Variants in ANKRD12 observed in about 807,000 individuals in gnomAD.
ANKRD12 encodes ankyrin repeat domain-containing protein 12.
In ANKRD12, 85 loss-of-function variants were observed where a neutral mutation model predicts 183.4. The ratio of observed to expected loss-of-function variants is 0.46; its 90% CI spans 0.39 to 0.56. ANKRD12 has a LOEUF of 0.56. ANKRD12 is among the 20% of genes least tolerant of loss of function. The probability of loss-of-function intolerance (pLI) is 0.00; values close to 1 mark genes in which losing one functional copy is unlikely to be tolerated. For synonymous variants in ANKRD12, 914 were observed against 800.2 expected (o/e 1.14, Z -2.40); for missense variants, 2,405 against 2,357.1 (o/e 1.02, Z -0.42).
rs375800698 is a variant in ANKRD12, at chr18:9,229,848, A to G, written c.943+7849A>G. Among the ~76,000 whole-genome samples, 38 of 152,112 alleles carry G rather than the reference A, an allele frequency of 2.5e-4. No individual in the cohort carries two copies. In the South Asian group the frequency reaches 5.4e-3, roughly 22 times the overall value. On this transcript the variant is annotated intron_variant, in intron 8 of 12. Transcript: ENST00000262126. ...TTGATCATGTTGTATTATCTTTTCG[A>G]TGTGCCATTGGATTCAGTTTGCTAA...
intron 8 of ANKRD12, among the ~76,000 whole-genome samples, chr18:9,242,016 A>G: frequency 6.6e-6 from 1 of 152,042 alleles, no homozygotes; most frequent in East Asian, 1.9e-4. Context: ...CTATAAGTCA[A>G]AATATCTTTG....
At chr18:9,270,580 A>G (rs1287438651) in intron 10 of ANKRD12, among the ~76,000 whole-genome samples, 2 of 152,182 alleles carry the variant, frequency 1.3e-5, no homozygotes. Flanking sequence ...ACACATGGAC[A>G]CAGGAAGGGG....
intron 1 of ANKRD12, among the ~76,000 whole-genome samples, chr18:9,164,398 C>T (rs750607669): frequency 5.3e-5 from 8 of 151,942 alleles, no homozygotes; most frequent in Non-Finnish European, 1.0e-4. Context: ...TGTCTGTCTC[C>T]TTCAGTTCAG....
At chr18:9,237,629 G>A (rs560949542) in intron 8 of ANKRD12, among the ~76,000 whole-genome samples, 8 of 152,118 alleles carry the variant, frequency 5.3e-5, no homozygotes, top group African/African-American at 1.2e-4. Flanking sequence ...GTATTGTTGA[G>A]TTCAAAAAAT....
chr18:9,246,466 A>G (rs1215434567), intron 8 of ANKRD12, among the ~76,000 whole-genome samples: 1 of 152,104 alleles, frequency 6.6e-6, no homozygotes, highest in Admixed American at 6.5e-5. Flanking sequence ...TGAAAAGTTT[A>G]TATCTATATA....
intron 8 of ANKRD12, chr18:9,235,927 T>C (rs564115954): frequency 4.2e-6 from 1 of 239,374 alleles, no homozygotes; most frequent in Non-Finnish European, 8.7e-6. Context: ...AAATGGCATA[T>C]ATAATATCTA....
At chr18:9,157,557 G>GTGTA (rs2030719341) in intron 1 of ANKRD12, among the ~76,000 whole-genome samples, 1 of 91,648 alleles carries the variant, frequency 1.1e-5, no homozygotes, top group African/African-American at 6.7e-5. Flanking sequence ...GTGGGTGTGT[G>GTGTA]TGTGTGTGTG....
At chr18:9,169,369 G>A (rs2032442600) in intron 1 of ANKRD12, among the ~76,000 whole-genome samples, 2 of 152,140 alleles carry the variant, frequency 1.3e-5, no homozygotes, top group African/African-American at 4.8e-5. Flanking sequence ...AGGTCACTAA[G>A]GACTTGCTTT....
In ANKRD12 at chr18:9,281,832, C is replaced by T. The variant is rs1228935943; in HGVS notation, c.*706C>T. The T allele has an allele frequency of 1.3e-5, 2 of 152,554 alleles. No individual in the cohort carries two copies. The highest frequency in any genetic ancestry group is 2.9e-5 in the Non-Finnish European group (2 of 68,010). The allele number at this position is 152,554 out of a possible 1,614,324, so 9.5% of individuals were successfully genotyped here. ...ACAGGTAGAAAACTTTTAAATACAG[C>T]ATGCAGGTGTTTCAGTTAGCTTGTT... On this transcript the variant is annotated 3_prime_UTR_variant, in exon 13 of 13. Transcript: ENST00000262126.
intron 1 of ANKRD12, among the ~76,000 whole-genome samples, chr18:9,161,442 C>G (rs2031404330): frequency 6.6e-6 from 1 of 151,854 alleles, no homozygotes; most frequent in African/African-American, 2.4e-5. Flanking sequence ...GTGGCGCGAT[C>G]TCGGCTCACT....
rs2040099747 is a variant in ANKRD12 at position 9,281,351 on chromosome 18, A to G, written c.*225A>G. Reference sequence around the variant, plus strand: ...AGAAAACTATTATTTATATTGGGAAAGGTAACTATTGCATTAGAGCATGTT... The same window carrying G: ...AGAAAACTATTATTTATATTGGGAAGGGTAACTATTGCATTAGAGCATGTT... On this transcript the variant is annotated 3_prime_UTR_variant, in exon 13 of 13. Coordinates refer to ENST00000262126, the MANE Select transcript of ANKRD12 (RefSeq NM_015208.5). 5.2e-6 allele frequency: 2 copies of G among 383,170 alleles called. No individual in the cohort carries two copies. The highest frequency in any genetic ancestry group is 4.6e-6 in the Non-Finnish European group (1 of 218,308). The allele number at this position is 383,170 out of a possible 1,614,324, so 23.7% of individuals were successfully genotyped here. A position where few individuals can be genotyped will look rare whatever the true frequency, so the allele number is the denominator to read the frequency against.
chr18:9,277,785 A>AT (rs1242841320), intron 11 of ANKRD12, among the ~76,000 whole-genome samples: 1 of 138,148 alleles, frequency 7.2e-6, no homozygotes, highest in Admixed American at 7.0e-5. Context: ...TGGTAATCAA[A>AT]TACAGCAGAG....
chr18:9,264,229 A>T (rs912902204), intron 10 of ANKRD12, among the ~76,000 whole-genome samples: 1 of 152,196 alleles, frequency 6.6e-6, no homozygotes, highest in African/African-American at 2.4e-5. Context: ...TTTAAGGCAA[A>T]AGGGCAAAAT....
chr18:9,213,811 T>C (rs1048379337), intron 6 of ANKRD12, among the ~76,000 whole-genome samples: 28 of 152,054 alleles, frequency 1.8e-4, no homozygotes, highest in Middle Eastern at 3.4e-3. Context: ...AAAATAAGTA[T>C]TAAGTCCAGA....
chr18:9,187,162 C>T (rs1192213695), intron 2 of ANKRD12, among the ~76,000 whole-genome samples: 3 of 151,908 alleles, frequency 2.0e-5, no homozygotes, highest in Admixed American at 2.0e-4. Flanking sequence ...CATGGTGGCT[C>T]ATGCCTATAA....
chr18:9,233,721 T>A (rs371990401), intron 8 of ANKRD12, among the ~76,000 whole-genome samples: 6 of 152,236 alleles, frequency 3.9e-5, no homozygotes, highest in African/African-American at 7.2e-5. Flanking sequence ...CTTGGTTGTT[T>A]AGGGTGCAGT....
In ANKRD12 at chr18:9,186,115, A is replaced by G. The variant is rs532312352; in HGVS notation, c.87+3596A>G. Among the ~76,000 whole-genome samples, 63 of 150,936 alleles carry G rather than the reference A, an allele frequency of 4.2e-4. 1 individual carries two copies. In the South Asian group the frequency reaches 0.011, roughly 27 times the overall value. On this transcript the variant is annotated intron_variant, in intron 2 of 12. Coordinates refer to ENST00000262126, the MANE Select transcript of ANKRD12 (RefSeq NM_015208.5). ...TTGTCACGAAATAAGTAGTGCCTGA[A>G]TATTGCCCTCCTAAAAGTGTGATTT... is the stretch of plus-strand genomic sequence containing the variant.
chr18:9,148,385 A>T (rs1312999621), intron 1 of ANKRD12, among the ~76,000 whole-genome samples: 1 of 152,164 alleles, frequency 6.6e-6, no homozygotes, highest in African/African-American at 2.4e-5. Flanking sequence ...TGTAAATATA[A>T]CTGCCCATAT....
At chr18:9,273,622 T>A (rs909802244) in intron 10 of ANKRD12, among the ~76,000 whole-genome samples, 13 of 152,182 alleles carry the variant, frequency 8.5e-5, no homozygotes, top group African/African-American at 3.1e-4. Context: ...ACAGTTCCAT[T>A]CTACTTATTT....
Sources: gnomAD v4.1 joint callset for allele counts (sites outside exome capture counted in the v4.1 genomes callset) on GRCh38, gnomAD v4.1.1 for gene constraint, MANE v1.5 for transcripts, NCBI Gene and HGNC (gene_info 2026-07-23, HGNC 2026-07-21) for gene names.